The following TAFA1 variants were observed in gnomAD, a reference collection of about 807,000 sequenced individuals.
TAFA1 encodes chemokine-like protein TAFA-1.
Under a neutral mutation model 18.5 loss-of-function variants are expected in TAFA1, and 4 were observed. The ratio of observed to expected loss-of-function variants is 0.22; its 90% CI spans 0.11 to 0.49. The LOEUF is 0.49. TAFA1 is among the 20% of genes least tolerant of loss of function. The probability of loss-of-function intolerance (pLI) is 0.98; values close to 1 mark genes in which losing one functional copy is unlikely to be tolerated. For synonymous variants in TAFA1, 56 were observed against 55.2 expected, an observed-to-expected ratio of 1.01 and a Z score of -0.06; for missense variants, 147 against 169.0, an observed-to-expected ratio of 0.87 and a Z score of 0.72.
intron 2 of TAFA1, among the ~76,000 whole-genome samples, chr3:68,303,176 G>A (rs2068337277): frequency 6.6e-6 from 1 of 152,130 alleles, no homozygotes; most frequent in African/African-American, 2.4e-5. Flanking sequence ...AAGCTACACA[G>A]ATAAATATTT....
intron 2 of TAFA1, among the ~76,000 whole-genome samples, chr3:68,041,697 G>T (rs1005578623): frequency 1.3e-5 from 2 of 152,216 alleles, no homozygotes; most frequent in Non-Finnish European, 2.9e-5. Context: ...TCTAGAATGG[G>T]CAAAAGCCAT....
intron 2 of TAFA1, among the ~76,000 whole-genome samples, chr3:68,077,690 C>T (rs2064844652): frequency 6.6e-6 from 1 of 151,942 alleles, no homozygotes; most frequent in Non-Finnish European, 1.5e-5. Context: ...GTACCAGTAC[C>T]ATGCTGTTTT....
intron 2 of TAFA1, among the ~76,000 whole-genome samples, chr3:68,123,878 CAAAAAAAAAAAAAAAAAAAAAAAAAAAAA>C (rs758966848): frequency 2.8e-5 from 2 of 72,128 alleles, no homozygotes; most frequent in African/African-American, 1.3e-4. Context: ...CTTTTTTTTC[CAAAAAAAAAAAAAAAAAAAAAAAAAAAAA>C]AAAAAAAAAA....
chr3:68,000,937 G>A (rs1164339441), upstream of TAFA1, among the ~76,000 whole-genome samples: 1 of 148,424 alleles, frequency 6.7e-6, no homozygotes. Context: ...CATTGGAATT[G>A]AGTAGCTTTG....
intron 2 of TAFA1, among the ~76,000 whole-genome samples, chr3:68,187,425 C>T (rs538180272): frequency 6.6e-6 from 1 of 151,954 alleles, no homozygotes; most frequent in Non-Finnish European, 1.5e-5. Flanking sequence ...TAGAGATTAG[C>T]TTTGTCTATT....
chr3:68,134,067 GAAA>G (rs10593198), intron 2 of TAFA1, among the ~76,000 whole-genome samples: 18 of 97,402 alleles, frequency 1.8e-4, no homozygotes, highest in South Asian at 1.4e-3. Context: ...ATGACAACTG[GAAA>G]AAAAAAAAAA....
chr3:68,532,125 C>T (rs933308220), intron 3 of TAFA1, among the ~76,000 whole-genome samples: 1 of 152,150 alleles, frequency 6.6e-6, no homozygotes, highest in Non-Finnish European at 1.5e-5. Flanking sequence ...AATTTATTAA[C>T]ATGTACATAG....
intron 2 of TAFA1, among the ~76,000 whole-genome samples, chr3:68,350,340 A>G (rs1362435328): frequency 6.6e-6 from 1 of 152,148 alleles, no homozygotes; most frequent in Non-Finnish European, 1.5e-5. Flanking sequence ...TAATTATGTT[A>G]TGCCAGTATC....
intron 2 of TAFA1, among the ~76,000 whole-genome samples, chr3:68,226,630 G>A (rs887398487): frequency 6.6e-6 from 1 of 152,068 alleles, no homozygotes; most frequent in African/African-American, 2.4e-5. Context: ...TCATATTAAT[G>A]TTCATTGTGT....
intron 2 of TAFA1, among the ~76,000 whole-genome samples, chr3:68,040,119 G>T (rs1346769672): frequency 6.6e-6 from 1 of 152,142 alleles, no homozygotes; most frequent in Non-Finnish European, 1.5e-5. Context: ...ACATTGTTTT[G>T]TGTTTATGGC....
intron 2 of TAFA1, among the ~76,000 whole-genome samples, chr3:68,411,007 A>G (rs2070705746): frequency 6.6e-6 from 1 of 152,230 alleles, no homozygotes; most frequent in Admixed American, 6.5e-5. Flanking sequence ...AGGTTGTGAC[A>G]AACTTAACTC....
upstream of TAFA1, among the ~76,000 whole-genome samples, chr3:68,002,244 A>T (rs1040667860): frequency 2.0e-5 from 3 of 152,230 alleles, no homozygotes; most frequent in Non-Finnish European, 4.4e-5. Context: ...AAAAAATAGA[A>T]CTATGCTAAT....
intron 2 of TAFA1, among the ~76,000 whole-genome samples, chr3:68,104,360 G>A (rs2065181822): frequency 6.6e-6 from 1 of 151,712 alleles, no homozygotes; most frequent in Non-Finnish European, 1.5e-5. Context: ...TTTAAATGTG[G>A]AAAATATATG....
chr3:68,160,757 G>T (rs1170687310), intron 2 of TAFA1, among the ~76,000 whole-genome samples: 3 of 152,136 alleles, frequency 2.0e-5, no homozygotes, highest in Admixed American at 6.6e-5. Context: ...CCATTCAGAG[G>T]GTCAGGGTCT....
chr3:68,413,566 A>C (rs964599052), intron 2 of TAFA1, among the ~76,000 whole-genome samples: 10 of 152,214 alleles, frequency 6.6e-5, no homozygotes, highest in Non-Finnish European at 1.5e-4. Flanking sequence ...CTACTTTGAA[A>C]ATTAAATGAA....
At chr3:68,514,634 A>G (rs964118449) in intron 3 of TAFA1, among the ~76,000 whole-genome samples, 1 of 151,976 alleles carries the variant, frequency 6.6e-6, no homozygotes, top group African/African-American at 2.4e-5. Flanking sequence ...ATTGGGTTCC[A>G]TCTCAAACAA....
intron 3 of TAFA1, among the ~76,000 whole-genome samples, chr3:68,529,203 G>A (rs2073151479): frequency 6.6e-6 from 1 of 151,784 alleles, no homozygotes; most frequent in African/African-American, 2.4e-5. Context: ...CGAGTTACTG[G>A]TTAAAGTGTT....
At chr3:68,248,254 G>T (rs749350123) in intron 2 of TAFA1, among the ~76,000 whole-genome samples, 6 of 152,104 alleles carry the variant, frequency 3.9e-5, no homozygotes, top group Non-Finnish European at 8.8e-5. Context: ...ATAAATATTT[G>T]TTTGTAAAGT....
intron 2 of TAFA1, among the ~76,000 whole-genome samples, chr3:68,380,943 TG>T (rs1450104428): frequency 2.0e-5 from 3 of 150,648 alleles, no homozygotes; most frequent in Admixed American, 1.3e-4. Context: ...AATTAATTTT[TG>T]TATAAGGTGT....
Sources: gnomAD v4.1 joint callset for allele counts (sites outside exome capture counted in the v4.1 genomes callset) on GRCh38, gnomAD v4.1.1 for gene constraint, MANE v1.5 for transcripts, NCBI Gene and HGNC (gene_info 2026-07-23, HGNC 2026-07-21) for gene names.